The following RXFP2 variants were observed in gnomAD, a reference collection of about 807,000 sequenced individuals.
RXFP2 encodes the protein relaxin family peptide receptor 2, also known as relaxin receptor 2.
RXFP2 carries 68 observed loss-of-function variants against 88.6 expected under a neutral mutation model. That is an observed-to-expected ratio of 0.77 (90% confidence interval 0.63 to 0.94). RXFP2 has a LOEUF of 0.94. RXFP2 is among the 40% of genes least tolerant of loss of function. The pLI is 0.00. For missense variants in RXFP2, 791 were observed against 893.9 expected, an observed-to-expected ratio of 0.88 and a Z score of 1.47; for synonymous variants, 329 against 306.8, an observed-to-expected ratio of 1.07 and a Z score of -0.76.
At chr13:31,750,791 A>G (rs187338757) in intron 1 of RXFP2, among the ~76,000 whole-genome samples, 1 of 152,334 alleles carries the variant, frequency 6.6e-6, no homozygotes, top group East Asian at 1.9e-4. Flanking sequence ...GCGGAGCAGC[A>G]AGGTCAAGAT....
intron 1 of RXFP2, among the ~76,000 whole-genome samples, chr13:31,746,185 G>T (rs1029026636): frequency 6.6e-6 from 1 of 152,172 alleles, no homozygotes; most frequent in Non-Finnish European, 1.5e-5. Context: ...TGCACATTTA[G>T]GAAGCAGCCC....
At chr13:31,778,620 C>T in intron 9 of RXFP2, 37 bp downstream of exon 9, 2 of 1,388,602 alleles carry the variant, frequency 1.4e-6, no homozygotes, top group African/African-American at 2.8e-5. Flanking sequence ...GTTATTTGCC[C>T]TGATTAAGGA....
intron 17 of RXFP2, among the ~76,000 whole-genome samples, chr13:31,801,449 C>T (rs1400211602): frequency 3.9e-5 from 6 of 151,956 alleles, no homozygotes; most frequent in South Asian, 2.1e-4. Flanking sequence ...GCTAAGTGTC[C>T]GGCCACAGGA....
At chr13:31,775,633 C>A (rs1872913972) in intron 7 of RXFP2, among the ~76,000 whole-genome samples, 1 of 152,178 alleles carries the variant, frequency 6.6e-6, no homozygotes, top group Middle Eastern at 3.4e-3. Flanking sequence ...TGTAGTATAC[C>A]CCTTCTCCCA....
chr13:31,799,916 C>A (rs180808496), intron 17 of RXFP2, among the ~76,000 whole-genome samples: 3 of 152,096 alleles, frequency 2.0e-5, no homozygotes, highest in Non-Finnish European at 2.9e-5. Context: ...TCATCCTCAG[C>A]GAGTCTACGA....
At chr13:31,748,921 C>G (rs1871542690) in intron 1 of RXFP2, among the ~76,000 whole-genome samples, 1 of 152,122 alleles carries the variant, frequency 6.6e-6, no homozygotes, top group African/African-American at 2.4e-5. Context: ...CTCTTGAACC[C>G]AGGAAGCAGC....
chr13:31,798,495 A>G (rs1371381479), intron 17 of RXFP2, among the ~76,000 whole-genome samples: 1 of 152,208 alleles, frequency 6.6e-6, no homozygotes, highest in African/African-American at 2.4e-5. Context: ...ACCCAGTTGC[A>G]CGTGAAGAAC....
Position 31,739,598 on chromosome 13 carries a change from A to C in RXFP2, c.-15A>C, listed in dbSNP as rs1871143031. ...TATAAGAGGATACGTCTAATAACTC[A>C]ATTGCTGTAAACCTATGATTGTTTT... On this transcript the variant is annotated 5_prime_UTR_variant, in exon 1 of 18. Coordinates refer to ENST00000298386, the MANE Select transcript of RXFP2 (RefSeq NM_130806.5). 1.3e-6 allele frequency: 2 copies of C among 1,528,860 alleles called. No individual in the cohort carries two copies. The highest frequency in any genetic ancestry group is 3.3e-5 in the Admixed American group (2 of 59,854). 94.7% of individuals were successfully genotyped at this position (1,528,860 alleles called of 1,614,324 possible). A position where few individuals can be genotyped will look rare whatever the true frequency, so the allele number is the denominator to read the frequency against.
chr13:31,786,129 T>C (rs766322638), intron 11 of RXFP2, among the ~76,000 whole-genome samples: 3 of 152,016 alleles, frequency 2.0e-5, no homozygotes, highest in Admixed American at 1.3e-4. Context: ...GAAAGCCAGG[T>C]TGGGAATGTG....
chr13:31,739,563 C>T lies in RXFP2; in HGVS notation c.-50C>T. 1 of 1,193,916 alleles carries T rather than the reference C, an allele frequency of 8.4e-7. No homozygotes were observed. Among genetic ancestry groups the T allele is most frequent in the Non-Finnish European group, 1.3e-6 (1 of 797,254 alleles). 74.0% of individuals were successfully genotyped at this position (1,193,916 alleles called of 1,614,324 possible). A position where few individuals can be genotyped will look rare whatever the true frequency, so the allele number is the denominator to read the frequency against. On this transcript the variant is annotated 5_prime_UTR_variant, in exon 1 of 18. Coordinates refer to ENST00000298386, the MANE Select transcript of RXFP2 (RefSeq NM_130806.5). ...GCACTGAACTTACTACATCAGAACT[C>T]CTGCTGAGGTATAAGAGGATACGTC...
chr13:31,757,868 C>G (rs751909158), intron 1 of RXFP2, among the ~76,000 whole-genome samples: 1 of 152,114 alleles, frequency 6.6e-6, no homozygotes, highest in Non-Finnish European at 1.5e-5. Context: ...CCAAGGTGGG[C>G]AGATCACATG....
At position 31,802,284 on chromosome 13, in the gene RXFP2, T is replaced by C. The variant is rs746124151; in HGVS notation, c.2144T>C (p.Phe715Ser). The C allele has an allele frequency of 3.1e-6, 5 of 1,613,658 alleles. No homozygotes were observed. Among genetic ancestry groups the C allele is most frequent in the Non-Finnish European group, 4.2e-6 (5 of 1,179,850 alleles). The change falls in exon 18 of 18, where the codon TTC becomes TCC. Residue 715 changes from phenylalanine (F) to serine (S), a missense_variant. Transcript: ENST00000298386. ...CACAAACATCAGAGGAAATCAATTT[T>C]CAAAATTAAAAAAAAAAGTTTATCT... The part of the protein sequence containing the change: ...LLHKHQRKSI[F>S]KIKKKSLSTS...
Position 31,792,961 on chromosome 13 carries a change from T to C in RXFP2, c.1659T>C (p.Ala553=). ...TCTGGATGGCGGGATTTTTAATAGC[T>C]GTAATTCCATTTTGGAATAAGGATT... ...ICIWMAGFLI[A]VIPFWNKDYF... Residue 553 remains alanine, a synonymous_variant, in exon 16 of 18, where the codon GCT becomes GCC. Coordinates refer to ENST00000298386, the MANE Select transcript of RXFP2 (RefSeq NM_130806.5). The C allele has an allele frequency of 6.2e-7, 1 of 1,614,232 alleles. No individual in the cohort carries two copies. Among genetic ancestry groups the C allele is most frequent in the Non-Finnish European group, 8.5e-7 (1 of 1,180,036 alleles).
intron 16 of RXFP2, among the ~76,000 whole-genome samples, chr13:31,796,751 G>A (rs1227450098): frequency 6.6e-6 from 1 of 152,194 alleles, no homozygotes; most frequent in African/African-American, 2.4e-5. Flanking sequence ...CTTCCTGGAA[G>A]TGCCCGTGGA....
intron 14 of RXFP2, among the ~76,000 whole-genome samples, chr13:31,790,694 CA>C (rs1182826081): frequency 2.0e-5 from 3 of 151,970 alleles, no homozygotes; most frequent in East Asian, 1.9e-4. Flanking sequence ...ATAAGTGCTA[CA>C]AATTTAAATA....
At chr13:31,742,438 A>G (rs1871255979) in intron 1 of RXFP2, among the ~76,000 whole-genome samples, 1 of 152,198 alleles carries the variant, frequency 6.6e-6, no homozygotes. Flanking sequence ...TAGTTGTGAA[A>G]ATCAATTATG....
At chr13:31,779,097 T>C (rs1321874933) in intron 9 of RXFP2, among the ~76,000 whole-genome samples, 1 of 150,548 alleles carries the variant, frequency 6.6e-6, no homozygotes, top group Non-Finnish European at 1.5e-5. Context: ...TATCTCAGGG[T>C]ACTATCACCA....
chr13:31,769,793 G>T (rs1404330872), intron 5 of RXFP2, among the ~76,000 whole-genome samples: 1 of 152,104 alleles, frequency 6.6e-6, no homozygotes, highest in African/African-American at 2.4e-5. Context: ...GTTAGTCATG[G>T]GTCCTTAAAT....
intron 1 of RXFP2, among the ~76,000 whole-genome samples, chr13:31,747,990 A>C (rs572867495): frequency 6.6e-6 from 1 of 152,222 alleles, no homozygotes; most frequent in South Asian, 2.1e-4. Flanking sequence ...AACTGAATAC[A>C]AGATAATTGT....
Sources: allele counts gnomAD v4.1 joint callset (sites outside exome capture counted in the v4.1 genomes callset), GRCh38; gene constraint gnomAD v4.1.1; transcripts MANE v1.5; gene names NCBI Gene and HGNC (gene_info 2026-07-23, HGNC 2026-07-21).